Variants in RXFP1 observed in about 807,000 individuals in gnomAD.
RXFP1 encodes the protein relaxin receptor 1.
Under a neutral mutation model 89.8 loss-of-function variants are expected in RXFP1, and 73 were observed. The observed-to-expected ratio is 0.81, with a 90% CI of 0.67 to 0.99. The LOEUF (loss-of-function observed/expected upper bound fraction) is 0.99, where lower values mean the gene tolerates loss of function less well. Among genes scored for constraint, RXFP1 ranks in the 50% least tolerant of loss-of-function variants. The probability of loss-of-function intolerance (pLI) is 0.00; values close to 1 mark genes in which losing one functional copy is unlikely to be tolerated. For synonymous variants in RXFP1, 277 were observed against 305.5 expected, an observed-to-expected ratio of 0.91 and a Z score of 0.97; for missense variants, 793 against 895.5, an observed-to-expected ratio of 0.89 and a Z score of 1.46.
In RXFP1 at chr4:158,542,096, TATATATA is replaced by T. The variant is rs1426951713; in HGVS notation, c.49+20072_49+20078del. ...CACCATGGCTATATATATATATATA[TATATATA>T]TATATATTTTTTTTTTAGTAGAGAC... On this transcript the variant is annotated intron_variant, in intron 1 of 17. Transcript: ENST00000307765. Among the ~76,000 whole-genome samples the T allele has an allele frequency of 9.3e-3, 408 of 44,086 alleles. 30 individuals carry two copies. Among genetic ancestry groups the T allele is most frequent in the Non-Finnish European group, 0.016 (320 of 20,544 alleles). 28.9% of individuals were successfully genotyped at this position (44,086 alleles called of 152,430 possible).
intron 13 of RXFP1, among the ~76,000 whole-genome samples, chr4:158,638,928 T>C (rs1769789266): frequency 6.6e-6 from 1 of 152,030 alleles, no homozygotes; most frequent in Admixed American, 6.6e-5. Flanking sequence ...TTTTCAAGGA[T>C]GTAAAGCATC....
chr4:158,593,387 G>T lies in RXFP1; in HGVS notation c.188-14G>T. On this transcript the variant is annotated splice_polypyrimidine_tract_variant and intron_variant, in intron 2 of 17. Transcript: ENST00000307765. Reference sequence around the variant, plus strand: ...TGTTCCTTGAACTTTTTTGTTCTCTGATTTTTATTTTAGGAGACAACAATG... The same window carrying T: ...TGTTCCTTGAACTTTTTTGTTCTCTTATTTTTATTTTAGGAGACAACAATG... 1 of 1,574,474 alleles carries T rather than the reference G, an allele frequency of 6.4e-7. No individual in the cohort carries two copies. The highest frequency in any genetic ancestry group is 1.1e-5 in the South Asian group (1 of 88,708).
At chr4:158,571,804 G>A (rs1298131446) in intron 1 of RXFP1, among the ~76,000 whole-genome samples, 1 of 152,152 alleles carries the variant, frequency 6.6e-6, no homozygotes, top group African/African-American at 2.4e-5. Context: ...TATGCAAGCT[G>A]GAAGCTTTCG....
chr4:158,586,511 T>C (rs1758334966), intron 2 of RXFP1, among the ~76,000 whole-genome samples: 1 of 152,134 alleles, frequency 6.6e-6, no homozygotes. Flanking sequence ...AGAGAATAAA[T>C]TTCATCAGGA....
chr4:158,617,809 G>A (rs988362767), intron 9 of RXFP1, among the ~76,000 whole-genome samples: 1 of 152,082 alleles, frequency 6.6e-6, no homozygotes, highest in Non-Finnish European at 1.5e-5. Flanking sequence ...ACTGCCATAT[G>A]CTGTATCATA....
chr4:158,549,238 C>T (rs7437421), intron 1 of RXFP1, among the ~76,000 whole-genome samples: 102,873 of 149,364 alleles, frequency 0.69, 40,590 homozygotes, highest in East Asian at 0.97. Context: ...TCCAGTTGAT[C>T]GCATCGGCTC....
chr4:158,646,667 A>G, intron 15 of RXFP1, 124 bp from the exon 16 acceptor site: 1 of 1,457,154 alleles, frequency 6.9e-7, no homozygotes, highest in Non-Finnish European at 9.0e-7. Flanking sequence ...GAGAATAAAA[A>G]TTACCTCTTC....
rs1476207327 is a variant in RXFP1, at chr4:158,651,979, T to C, written c.2198T>C (p.Met733Thr). Residue 733 changes from methionine (M) to threonine (T), a missense_variant, in exon 18 of 18, where the codon ATG becomes ACG. Coordinates refer to ENST00000307765, the MANE Select transcript of RXFP1 (RefSeq NM_021634.4). ...WPLQEMPPEL[M>T]KPDLFTYPCE... Reference sequence around the variant, plus strand: ...CTGCAGGAGATGCCACCTGAGTTAATGAAGCCGGACCTTTTCACATACCCC... The same window carrying C: ...CTGCAGGAGATGCCACCTGAGTTAACGAAGCCGGACCTTTTCACATACCCC... 2 of 1,614,198 alleles carry C rather than the reference T, an allele frequency of 1.2e-6. No homozygotes were observed. Among genetic ancestry groups the C allele is most frequent in the East Asian group, 4.5e-5 (2 of 44,882 alleles).
Position 158,631,901 on chromosome 4 carries a change from TG to T in RXFP1, c.900-1500del, listed in dbSNP as rs200238714. ...TGTGCCCAGGAGTTCAAGACCAGCC[TG>T]GGGAACATGAAGAAACCCAGTCTCT... On this transcript the variant is annotated intron_variant, in intron 11 of 17. Transcript: ENST00000307765. Among the ~76,000 whole-genome samples, 508 of 152,244 alleles carry T rather than the reference TG, an allele frequency of 3.3e-3. 4 individuals are homozygous for T. The highest frequency in any genetic ancestry group is 0.012 in the African/African-American group (497 of 41,536).
chr4:158,545,754 G>A (rs923728256), intron 1 of RXFP1, among the ~76,000 whole-genome samples: 3 of 152,220 alleles, frequency 2.0e-5, no homozygotes, highest in Non-Finnish European at 4.4e-5. Flanking sequence ...AAGATCAGAT[G>A]GCTGTAGATA....
At chr4:158,613,847 C>T (rs1764010535) in intron 8 of RXFP1, among the ~76,000 whole-genome samples, 1 of 152,140 alleles carries the variant, frequency 6.6e-6, no homozygotes, top group Non-Finnish European at 1.5e-5. Flanking sequence ...TTGCCCAAAT[C>T]GTCAGAGGAA....
intron 11 of RXFP1, 37 bp downstream of exon 11, chr4:158,628,746 T>A: frequency 8.6e-7 from 1 of 1,159,892 alleles, no homozygotes; most frequent in South Asian, 1.4e-5. Flanking sequence ...AAGAATTTTC[T>A]TTCTACTGTT....
At chr4:158,558,850 T>C (rs535220052) in intron 1 of RXFP1, among the ~76,000 whole-genome samples, 21 of 152,132 alleles carry the variant, frequency 1.4e-4, no homozygotes, top group Non-Finnish European at 2.9e-4. Context: ...TTAAAACTAC[T>C]CAGTACATTC....
intron 1 of RXFP1, among the ~76,000 whole-genome samples, chr4:158,562,350 C>T (rs1231175170): frequency 1.3e-5 from 2 of 150,696 alleles, no homozygotes; most frequent in East Asian, 3.9e-4. Flanking sequence ...CGGTGAAACC[C>T]CGTCTCTACT....
intron 9 of RXFP1, among the ~76,000 whole-genome samples, chr4:158,622,884 A>G (rs1213838282): frequency 4.6e-5 from 7 of 152,204 alleles, no homozygotes; most frequent in Non-Finnish European, 1.0e-4. Flanking sequence ...TTAACTATGT[A>G]AGGTGATGGG....
At chr4:158,604,850 G>A (rs1762292815) in intron 4 of RXFP1, among the ~76,000 whole-genome samples, 1 of 151,930 alleles carries the variant, frequency 6.6e-6, no homozygotes, top group African/African-American at 2.4e-5. Context: ...CAGAATTACA[G>A]TCATAACCAA....
intron 2 of RXFP1, among the ~76,000 whole-genome samples, chr4:158,582,677 T>A (rs1395706668): frequency 6.6e-6 from 1 of 152,206 alleles, no homozygotes; most frequent in Non-Finnish European, 1.5e-5. Flanking sequence ...TATTCCTGTG[T>A]CAAGCCAGAG....
At chr4:158,649,100 C>CA (rs11295815) in intron 17 of RXFP1, among the ~76,000 whole-genome samples, 10 of 149,544 alleles carry the variant, frequency 6.7e-5, no homozygotes, top group African/African-American at 2.2e-4. Flanking sequence ...GTGACAGAGC[C>CA]AAAAAAAAAA....
chr4:158,607,939 A>AC (rs1554014299), intron 5 of RXFP1, 33 bp from the exon 6 acceptor site: 71 of 1,406,484 alleles, frequency 5.0e-5, no homozygotes, highest in Non-Finnish European at 6.5e-5. Flanking sequence ...ACTCTGCTTC[A>AC]TTTTTTTTTC....
Sources: gnomAD v4.1 joint callset for allele counts (sites outside exome capture counted in the v4.1 genomes callset) on GRCh38, gnomAD v4.1.1 for gene constraint, MANE v1.5 for transcripts, NCBI Gene and HGNC (gene_info 2026-07-23, HGNC 2026-07-21) for gene names.